Variants in ANLN observed in about 807,000 individuals in gnomAD.
ANLN encodes the protein anillin.
A neutral mutation model predicts 135.1 loss-of-function variants in ANLN; 59 were observed. The observed-to-expected ratio is 0.44, with a 90% confidence interval of 0.35 to 0.54. The LOEUF is 0.54. Ranked by LOEUF, ANLN falls within the 20% of genes least tolerant of loss-of-function variation. The pLI is 0.00. For synonymous variants in ANLN, 406 were observed against 456.4 expected, an observed-to-expected ratio of 0.89 and a Z score of 1.41; for missense variants, 1,182 against 1,340.0, an observed-to-expected ratio of 0.88 and a Z score of 1.84.
intron 7 of ANLN, among the ~76,000 whole-genome samples, chr7:36,413,820 A>C (rs1787526721): frequency 6.6e-6 from 1 of 151,372 alleles, no homozygotes; most frequent in Non-Finnish European, 1.5e-5. Flanking sequence ...GTGAAACCCT[A>C]TCTGTACTAA....
intron 21 of ANLN, among the ~76,000 whole-genome samples, chr7:36,441,350 T>G (rs1375879970): frequency 6.6e-6 from 1 of 152,234 alleles, no homozygotes; most frequent in Non-Finnish European, 1.5e-5. Context: ...AAAAATGTAG[T>G]AAGAAAGAGC....
intron 2 of ANLN, among the ~76,000 whole-genome samples, chr7:36,397,890 G>A (rs2116517323): frequency 6.6e-6 from 1 of 152,242 alleles, no homozygotes; most frequent in South Asian, 2.1e-4. Flanking sequence ...CATCCTGGGT[G>A]ACAGAGTGAG....
chr7:36,397,239 C>T (rs573517266), intron 2 of ANLN, among the ~76,000 whole-genome samples: 16 of 151,868 alleles, frequency 1.1e-4, no homozygotes, highest in African/African-American at 3.4e-4. Flanking sequence ...AGTTTTCATA[C>T]GTTTATCCAT....
chr7:36,406,493 C>G lies in ANLN; in HGVS notation c.800C>G (p.Ala267Gly). The G allele has an allele frequency of 6.3e-7, 1 of 1,591,322 alleles. No homozygotes were observed. The highest frequency in any genetic ancestry group is 8.6e-7 in the Non-Finnish European group (1 of 1,165,744). Reference protein sequence around the residue: ...ATFCSQRDGDASLNKALSSSA... With the variant: ...ATFCSQRDGDGSLNKALSSSA... ...TTCTGTTCCCAAAGGGATGGCGATG[C>G]CTCTTTGAATAAAGCCCTATCCTCA... Residue 267 changes from alanine to glycine, a missense_variant, in exon 4 of 24, where the codon GCC becomes GGC. Ala to Gly is a moderately conservative substitution (Grantham distance 60). Coordinates refer to ENST00000265748, the MANE Select transcript of ANLN (RefSeq NM_018685.5).
chr7:36,452,460 GTTGT>G lies in ANLN; in HGVS notation c.3252-11_3252-8del. The G allele has an allele frequency of 6.2e-7, 1 of 1,613,724 alleles. No homozygotes were observed. Among genetic ancestry groups the G allele is most frequent in the Non-Finnish European group, 8.5e-7 (1 of 1,179,718 alleles). The stretch of plus-strand genomic sequence containing the variant: ...AGGGAGAAGAATTCTGACCTCTTTG[GTTGT>G]TTGTTCCTGTAGGAACTGGCTGTCT... On this transcript the variant is annotated splice_polypyrimidine_tract_variant and intron_variant, in intron 23 of 23. Coordinates refer to ENST00000265748, the MANE Select transcript of ANLN (RefSeq NM_018685.5).
At chr7:36,428,446 ATCTT>A (rs1162510008) in intron 20 of ANLN, 1 of 697,312 alleles carries the variant, frequency 1.4e-6, no homozygotes, top group Non-Finnish European at 2.1e-6. Context: ...TTTACTAACT[ATCTT>A]TTTGTTTACT....
chr7:36,417,149 C>A lies in ANLN; in HGVS notation c.1592C>A (p.Ser531Tyr). 2 of 1,608,584 alleles carry A rather than the reference C, an allele frequency of 1.2e-6. No homozygotes were observed. Among genetic ancestry groups the A allele is most frequent in the Non-Finnish European group, 1.7e-6 (2 of 1,177,946 alleles). The stretch of plus-strand genomic sequence containing the variant: ...ACATTGTTTTTAGAAGAGGACAAAT[C>A]CTTAAAAGTAACATCAGACCCAAAG... The part of the protein sequence containing the change: ...KITLFLEEDK[S>Y]LKVTSDPKVE... Residue 531 changes from serine to tyrosine, a missense_variant, in exon 9 of 24, where the codon TCC (serine) becomes TAC (tyrosine). By Grantham distance (144) the Ser-to-Tyr change is moderately radical. This residue lies in a region of ANLN where 1,022 missense variants were observed against 1,134.0 expected (regional missense o/e 0.90). Transcript: ENST00000265748.
rs116717684 is a variant in ANLN at position 36,404,740 on chromosome 7, G to C, written c.488-1441G>C. Among the ~76,000 whole-genome samples, 66 of 152,188 alleles carry C rather than the reference G, an allele frequency of 4.3e-4. 2 individuals are homozygous for C. In the South Asian group the frequency reaches 0.012, roughly 28 times the overall value. ...GGGGACATCATTAGGGCAAATAAAG[G>C]CTACTTGAACACAAGCACTGCATAC... On this transcript the variant is annotated intron_variant, in intron 3 of 23. Coordinates refer to ENST00000265748, the MANE Select transcript of ANLN (RefSeq NM_018685.5).
intron 21 of ANLN, among the ~76,000 whole-genome samples, chr7:36,442,022 A>G (rs2116790406): frequency 6.6e-6 from 1 of 152,328 alleles, no homozygotes; most frequent in East Asian, 1.9e-4. Flanking sequence ...CTGAGGTGTC[A>G]ATCTAGCTTG....
At chr7:36,403,022 C>T (rs1406307165) in intron 3 of ANLN, among the ~76,000 whole-genome samples, 2 of 152,106 alleles carry the variant, frequency 1.3e-5, no homozygotes, top group Non-Finnish European at 2.9e-5. Flanking sequence ...GAGGCTGAGG[C>T]AGGAGAATGT....
rs375460392 is a variant in ANLN, at chr7:36,422,618, C to T, written c.2300-15C>T. On this transcript the variant is annotated splice_polypyrimidine_tract_variant and intron_variant, in intron 13 of 23. Coordinates refer to ENST00000265748, the MANE Select transcript of ANLN (RefSeq NM_018685.5). ...TACGATTTTAATATTTGGAATATTG[C>T]GTTGTTTTACATAGCTGGGAAGAGA... 9.6e-6 allele frequency: 15 copies of T among 1,567,170 alleles called. No individual in the cohort carries two copies. In the African/African-American group the frequency reaches 9.7e-5, roughly 10 times the overall value.
chr7:36,439,326 T>C, intron 21 of ANLN, 36 bp downstream of exon 21: 1 of 1,197,958 alleles, frequency 8.3e-7, no homozygotes, highest in Non-Finnish European at 1.2e-6. Flanking sequence ...CTTCCTTTTT[T>C]CCATTTTGTG....
chr7:36,427,108 C>T (rs1788112189), intron 20 of ANLN, 80 bp downstream of exon 20: 1 of 834,712 alleles, frequency 1.2e-6, no homozygotes, highest in South Asian at 1.9e-5. Flanking sequence ...TGCCACAATG[C>T]TTTTAGGTAT....
At chr7:36,440,136 A>G (rs1052447558) in intron 21 of ANLN, among the ~76,000 whole-genome samples, 11 of 152,192 alleles carry the variant, frequency 7.2e-5, no homozygotes, top group African/African-American at 2.7e-4. Context: ...GGAGCTCAAG[A>G]CAGACATTTA....
chr7:36,402,405 G>A (rs1481577536), intron 3 of ANLN, among the ~76,000 whole-genome samples: 1 of 152,092 alleles, frequency 6.6e-6, no homozygotes, highest in Non-Finnish European at 1.5e-5. Flanking sequence ...GAGCCACCGT[G>A]TCCTGCCTGC....
chr7:36,422,712 C>G lies in ANLN; in HGVS notation c.2379C>G (p.Pro793=), dbSNP rs1435906729. 3 of 1,613,008 alleles carry G rather than the reference C, an allele frequency of 1.9e-6. No homozygotes were observed. In the South Asian group the frequency reaches 3.3e-5, roughly 18 times the overall value. Residue 793 remains proline (P), a synonymous_variant, in exon 14 of 24, where the codon CCC becomes CCG. Coordinates refer to ENST00000265748, the MANE Select transcript of ANLN (RefSeq NM_018685.5). ...EGPQRKNKAS[P]QSEFMPSKGS... is the part of the protein sequence containing the mutation. ...CTCAGAGGAAGAATAAGGCTAGTCC[C>G]CAAAGTGAATTTATGCCATCCAAAG...
chr7:36,451,230 T>G (rs1267550788), intron 23 of ANLN, among the ~76,000 whole-genome samples: 5 of 152,234 alleles, frequency 3.3e-5, no homozygotes, highest in Admixed American at 1.3e-4. Flanking sequence ...GGCCTTTTAC[T>G]TGAATTTAAT....
At chr7:36,394,963 A>G (rs1226215125) in intron 1 of ANLN, among the ~76,000 whole-genome samples, 3 of 152,242 alleles carry the variant, frequency 2.0e-5, no homozygotes, top group Non-Finnish European at 4.4e-5. Context: ...TAAGATTTCA[A>G]TTTAAAACCA....
chr7:36,398,980 GA>G (rs1353805912), intron 2 of ANLN, 98 bp from the exon 3 acceptor site: 1 of 878,620 alleles, frequency 1.1e-6, no homozygotes, highest in East Asian at 2.5e-5. Flanking sequence ...AAAGAATAGG[GA>G]GGGGTGATGT....
Sources: gnomAD v4.1 joint callset for allele counts (sites outside exome capture counted in the v4.1 genomes callset) on GRCh38, gnomAD v4.1.1 for gene constraint, gnomAD v4.1.1 regional missense constraint, MANE v1.5 for transcripts, NCBI Gene and HGNC (gene_info 2026-07-23, HGNC 2026-07-21) for gene names.